CTNNA3: variants seen among roughly 807,000 people sequenced by gnomAD.
CTNNA3 encodes catenin alpha 3.
Under a neutral mutation model 95.7 loss-of-function variants are expected in CTNNA3, and 76 were observed. The ratio of observed to expected loss-of-function variants is 0.79; its 90% CI spans 0.66 to 0.96. CTNNA3 has a LOEUF of 0.96. Ranked by LOEUF, CTNNA3 falls within the 40% of genes least tolerant of loss-of-function variation. The pLI, the probability that CTNNA3 is intolerant of heterozygous loss-of-function variation, is 0.00. For synonymous variants in CTNNA3, 431 were observed against 374.4 expected, an observed-to-expected ratio of 1.15 and a Z score of -1.74; for missense variants, 1,191 against 1,089.8, an observed-to-expected ratio of 1.09 and a Z score of -1.31.
chr10:66,638,364 A>G (rs1845405326), intron 9 of CTNNA3, among the ~76,000 whole-genome samples: 1 of 152,094 alleles, frequency 6.6e-6, no homozygotes, highest in Non-Finnish European at 1.5e-5. Context: ...ATTAATTTCA[A>G]ATGAATGTAT....
intron 11 of CTNNA3, among the ~76,000 whole-genome samples, chr10:66,391,920 A>G (rs2092936533): frequency 1.3e-5 from 2 of 151,898 alleles, no homozygotes; most frequent in Admixed American, 6.6e-5. Flanking sequence ...AAAAGATATA[A>G]AGCAAACATT....
At chr10:67,463,840 C>T (rs57539133) in intron 5 of CTNNA3, among the ~76,000 whole-genome samples, 1 of 152,036 alleles carries the variant, frequency 6.6e-6, no homozygotes, top group Non-Finnish European at 1.5e-5. Flanking sequence ...CATTCTAATA[C>T]AATTTTGTTT....
intron 7 of CTNNA3, among the ~76,000 whole-genome samples, chr10:66,784,493 T>A (rs1270668592): frequency 6.6e-6 from 1 of 152,160 alleles, no homozygotes; most frequent in African/African-American, 2.4e-5. Flanking sequence ...TATATGGCAT[T>A]ACTTGAGAGG....
At chr10:66,041,944 C>T (rs898540345) in intron 15 of CTNNA3, among the ~76,000 whole-genome samples, 3 of 152,202 alleles carry the variant, frequency 2.0e-5, no homozygotes, top group African/African-American at 4.8e-5. Context: ...TCATGTCACG[C>T]TTCTCAGCAT....
intron 11 of CTNNA3, among the ~76,000 whole-genome samples, chr10:66,470,330 G>C (rs1048666783): frequency 2.6e-5 from 4 of 151,868 alleles, no homozygotes; most frequent in Non-Finnish European, 5.9e-5. Context: ...GTTTGAAATT[G>C]TAATTGCAAG....
intron 5 of CTNNA3, among the ~76,000 whole-genome samples, chr10:67,515,698 C>T (rs1422668758): frequency 6.6e-6 from 1 of 152,034 alleles, no homozygotes; most frequent in Non-Finnish European, 1.5e-5. Context: ...GTTCACTTAC[C>T]CTTAAAAGGA....
At chr10:66,163,926 C>T (rs554228187) in intron 13 of CTNNA3, among the ~76,000 whole-genome samples, 1 of 152,116 alleles carries the variant, frequency 6.6e-6, no homozygotes, top group African/African-American at 2.4e-5. Context: ...ATGGTAAGTA[C>T]CATGGAAGTG....
chr10:66,424,483 C>G (rs10997114), intron 11 of CTNNA3, among the ~76,000 whole-genome samples: 31,036 of 151,864 alleles, frequency 0.2, 3,526 homozygotes, highest in Middle Eastern at 0.31. Flanking sequence ...TTGCATTCCA[C>G]AGGTTGTGAA....
chr10:66,497,233 T>C (rs1050186331), intron 11 of CTNNA3, among the ~76,000 whole-genome samples: 1 of 151,768 alleles, frequency 6.6e-6, no homozygotes. Flanking sequence ...GAGAAGAAAA[T>C]ATATAAAAAT....
chr10:67,739,406 C>A (rs1435980420), intron 1 of CTNNA3, among the ~76,000 whole-genome samples: 1 of 152,078 alleles, frequency 6.6e-6, no homozygotes, highest in African/African-American at 2.4e-5. Flanking sequence ...ATCTAGAAAA[C>A]CCCATTGTCT....
chr10:66,184,520 A>AT (rs1018060992), intron 13 of CTNNA3, among the ~76,000 whole-genome samples: 6 of 152,102 alleles, frequency 3.9e-5, no homozygotes, highest in East Asian at 1.9e-4. Flanking sequence ...CAAATAACCA[A>AT]TTTTTTTCAG....
At chr10:66,225,416 TATA>T (rs2089230087) in intron 13 of CTNNA3, among the ~76,000 whole-genome samples, 1 of 146,132 alleles carries the variant, frequency 6.8e-6, no homozygotes, top group East Asian at 2.0e-4. Flanking sequence ...TATATATATA[TATA>T]TATGAATGAA....
At chr10:66,411,907 A>G (rs2093108341) in intron 11 of CTNNA3, among the ~76,000 whole-genome samples, 1 of 152,164 alleles carries the variant, frequency 6.6e-6, no homozygotes, top group South Asian at 2.1e-4. Context: ...TGAGCCCTCA[A>G]ATGACATTCC....
In CTNNA3 at chr10:66,548,445, T is replaced by C. The variant is rs572640238; in HGVS notation, c.1375-27672A>G. On this transcript the variant is annotated intron_variant, in intron 10 of 17. Coordinates refer to ENST00000433211, the MANE Select transcript of CTNNA3 (RefSeq NM_013266.4). Reference sequence around the variant, plus strand: ...TTTCTGTTCTTTTTCTCATATTTCATCCTCAATTAGAATCTCTAGGACAAT... The same window carrying C: ...TTTCTGTTCTTTTTCTCATATTTCACCCTCAATTAGAATCTCTAGGACAAT... Among the ~76,000 whole-genome samples, 10 of 152,248 alleles carry C rather than the reference T, an allele frequency of 6.6e-5. No individual in the cohort carries two copies. The South Asian group carries it at 2.1e-3, about 32-fold the overall frequency.
intron 15 of CTNNA3, among the ~76,000 whole-genome samples, chr10:66,010,145 T>C (rs550985891): frequency 9.2e-6 from 1 of 108,676 alleles, no homozygotes; most frequent in African/African-American, 3.3e-5. Flanking sequence ...TCCGAAAACA[T>C]TGTTCATTCT....
chr10:66,052,977 A>G (rs1392213295), intron 15 of CTNNA3, among the ~76,000 whole-genome samples: 3 of 152,234 alleles, frequency 2.0e-5, no homozygotes, highest in South Asian at 2.1e-4. Flanking sequence ...TATGCATAGA[A>G]TATATTCATT....
intron 9 of CTNNA3, among the ~76,000 whole-genome samples, chr10:66,670,079 C>CT (rs1345498308): frequency 6.6e-6 from 1 of 152,068 alleles, no homozygotes; most frequent in East Asian, 1.9e-4. Flanking sequence ...CCTAAACATT[C>CT]TTTAAGGTCT....
At chr10:66,512,008 C>G (rs1256335975) in intron 11 of CTNNA3, among the ~76,000 whole-genome samples, 1 of 151,906 alleles carries the variant, frequency 6.6e-6, no homozygotes, top group African/African-American at 2.4e-5. Context: ...GTCTCTATCT[C>G]TCTCTTTAAC....
intron 10 of CTNNA3, among the ~76,000 whole-genome samples, chr10:66,555,308 T>TTGG (rs1842356706): frequency 2.0e-5 from 3 of 152,124 alleles, no homozygotes; most frequent in Admixed American, 6.5e-5. Context: ...GTTCATCCTC[T>TTGG]CAACTGCTTC....
Sources: gnomAD v4.1 joint callset for allele counts (sites outside exome capture counted in the v4.1 genomes callset) on GRCh38, gnomAD v4.1.1 for gene constraint, MANE v1.5 for transcripts, NCBI Gene and HGNC (gene_info 2026-07-23, HGNC 2026-07-21) for gene names.